TCAIM: variants seen among roughly 807,000 people sequenced by gnomAD.
TCAIM encodes T-cell activation inhibitor, mitochondrial.
Under a neutral mutation model 58.6 loss-of-function variants are expected in TCAIM, and 36 were observed. The ratio of observed to expected loss-of-function variants is 0.61; its 90% CI spans 0.47 to 0.81. The LOEUF (loss-of-function observed/expected upper bound fraction) is 0.81. TCAIM is among the 30% of genes least tolerant of loss of function. The pLI, the probability that TCAIM is intolerant of heterozygous loss-of-function variation, is 0.00. For missense variants in TCAIM, 466 were observed against 579.6 expected, an observed-to-expected ratio of 0.80 and a Z score of 2.01; for synonymous variants, 172 against 193.6, an observed-to-expected ratio of 0.89 and a Z score of 0.93.
At chr3:44,393,385 C>G (rs1377485545) in intron 6 of TCAIM, among the ~76,000 whole-genome samples, 2 of 152,068 alleles carry the variant, frequency 1.3e-5, no homozygotes, top group Non-Finnish European at 2.9e-5. Context: ...CACTTAAGCC[C>G]AGGAGCTTGA....
At chr3:44,389,154 G>A (rs941204858) in intron 5 of TCAIM, among the ~76,000 whole-genome samples, 1 of 152,190 alleles carries the variant, frequency 6.6e-6, no homozygotes, top group Non-Finnish European at 1.5e-5. Flanking sequence ...GCCAGGCATG[G>A]TGGTGCCCAC....
chr3:44,357,806 C>T lies in TCAIM; in HGVS notation c.95C>T (p.Ala32Val), dbSNP rs764626939. The change falls in exon 3 of 11, where the codon GCA (alanine) becomes GTA (valine). Residue 32 changes from alanine (A) to valine (V), a missense_variant. By Grantham distance (64) the Ala-to-Val change is moderately conservative. Transcript: ENST00000342649. ...PFSRALSGAE[A>V]VNALRPFYFA... ...TCAAGAGCTTTATCGGGAGCTGAAG[C>T]AGTCAATGCCTTGAGGCCTTTCTAT... 2 of 1,614,188 alleles carry T rather than the reference C, an allele frequency of 1.2e-6. No homozygotes were observed. Among genetic ancestry groups the T allele is most frequent in the South Asian group, 1.1e-5 (1 of 91,082 alleles).
At position 44,407,446 on chromosome 3, in the gene TCAIM, A is replaced by G; in HGVS notation, c.1255A>G (p.Lys419Glu). Residue 419 changes from lysine to glutamate, a missense_variant, in exon 11 of 11, where the codon AAG (lysine) becomes GAG (glutamate). Transcript: ENST00000342649. ...RENMKRKEEL[K>E]VIENELIQAS... Reference sequence around the variant, plus strand: ...TTTTTATTTTCTATATAATAGGTTAAAGGTTATTGAAAATGAATTGATACA... The same window carrying G: ...TTTTTATTTTCTATATAATAGGTTAGAGGTTATTGAAAATGAATTGATACA... 3 of 1,514,538 alleles carry G rather than the reference A, an allele frequency of 2.0e-6. No homozygotes were observed. Among genetic ancestry groups the G allele is most frequent in the Non-Finnish European group, 1.8e-6 (2 of 1,096,430 alleles). 93.8% of individuals were successfully genotyped at this position (1,514,538 alleles called of 1,614,324 possible). A position where few individuals can be genotyped will look rare whatever the true frequency, so the allele number is the denominator to read the frequency against.
intron 1 of TCAIM, among the ~76,000 whole-genome samples, chr3:44,349,977 G>C (rs1183875880): frequency 6.6e-6 from 1 of 151,854 alleles, no homozygotes; most frequent in Non-Finnish European, 1.5e-5. Flanking sequence ...CAGGGGGACA[G>C]GGGATTGATC....
intron 3 of TCAIM, chr3:44,359,167 C>G: frequency 1.2e-6 from 1 of 819,220 alleles, no homozygotes; most frequent in Non-Finnish European, 1.5e-6. Context: ...AGGAGGATTA[C>G]TTGAGCCCAG....
chr3:44,405,952 A>C (rs1575285042), intron 10 of TCAIM, among the ~76,000 whole-genome samples: 1 of 4,310 alleles, frequency 2.3e-4, no homozygotes, highest in Admixed American at 6.8e-3. Flanking sequence ...ACTCCATCTC[A>C]AAAAAAAAAA....
At chr3:44,358,345 G>A in intron 3 of TCAIM, 1 of 746,794 alleles carries the variant, frequency 1.3e-6, no homozygotes, top group Non-Finnish European at 2.3e-6. Flanking sequence ...AATGACTTAT[G>A]GTAGATGTAG....
intron 5 of TCAIM, among the ~76,000 whole-genome samples, chr3:44,388,905 G>A (rs1368349647): frequency 1.3e-5 from 2 of 152,142 alleles, no homozygotes; most frequent in African/African-American, 2.4e-5. Context: ...AGTAGGGATT[G>A]GTTTGTAGAC....
chr3:44,379,807 C>A (rs1486765791), intron 5 of TCAIM, among the ~76,000 whole-genome samples: 1 of 152,052 alleles, frequency 6.6e-6, no homozygotes, highest in Admixed American at 6.6e-5. Context: ...AATCATACCC[C>A]AAACCCCAGC....
intron 5 of TCAIM, among the ~76,000 whole-genome samples, chr3:44,369,550 C>T (rs766057701): frequency 7.9e-5 from 12 of 151,972 alleles, no homozygotes; most frequent in East Asian, 7.7e-4. Context: ...ACTTAGACAC[C>T]GGCAAAGTAG....
rs556168264 is a variant in TCAIM, at chr3:44,363,493, G to A, written c.319+1975G>A. ...TAATCAGCTTTGAATAAATAAGATGGTGATAAGGTAAAATGTTTACTAGTG... is the reference window on the plus strand; with the variant it reads ...TAATCAGCTTTGAATAAATAAGATGATGATAAGGTAAAATGTTTACTAGTG... On this transcript the variant is annotated intron_variant, in intron 4 of 10. Coordinates refer to ENST00000342649, the MANE Select transcript of TCAIM (RefSeq NM_173826.4). Among the ~76,000 whole-genome samples the A allele has an allele frequency of 8.5e-5, 13 of 152,178 alleles. No individual in the cohort carries two copies. In the South Asian group the frequency reaches 2.7e-3, roughly 32 times the overall value.
intron 10 of TCAIM, among the ~76,000 whole-genome samples, chr3:44,403,221 A>T (rs1702049007): frequency 6.6e-6 from 1 of 152,230 alleles, no homozygotes; most frequent in Admixed American, 6.5e-5. Context: ...GTGAGCCGAG[A>T]TCATGCCATT....
chr3:44,407,405 T>C (rs1702116719), intron 10 of TCAIM, 37 bp from the exon 11 acceptor site: 1 of 1,324,004 alleles, frequency 7.6e-7, no homozygotes, highest in African/African-American at 1.5e-5. Context: ...TGACAATATT[T>C]GTTCTTATGA....
intron 5 of TCAIM, among the ~76,000 whole-genome samples, chr3:44,374,008 C>CT (rs1701524198): frequency 6.6e-6 from 1 of 152,086 alleles, no homozygotes; most frequent in South Asian, 2.1e-4. Context: ...GTCAGAGTTC[C>CT]TTTTTTTCTA....
At chr3:44,401,415 G>C in intron 10 of TCAIM, 81 bp downstream of exon 10, 1 of 1,549,268 alleles carries the variant, frequency 6.5e-7, no homozygotes, top group Non-Finnish European at 8.8e-7. Context: ...ATAAATATGG[G>C]ACCTGGAAAC....
intron 5 of TCAIM, among the ~76,000 whole-genome samples, chr3:44,389,478 C>G (rs1263668858): frequency 2.0e-5 from 3 of 152,090 alleles, no homozygotes; most frequent in Non-Finnish European, 4.4e-5. Context: ...CATTTGGGCC[C>G]CAAACCAGAC....
intron 5 of TCAIM, among the ~76,000 whole-genome samples, chr3:44,381,212 C>CA (rs1701649773): frequency 6.6e-6 from 1 of 151,910 alleles, no homozygotes; most frequent in South Asian, 2.1e-4. Context: ...CAAAAAGCTT[C>CA]AAAAAATCCT....
chr3:44,387,022 A>G (rs1027062210), intron 5 of TCAIM, among the ~76,000 whole-genome samples: 3 of 152,190 alleles, frequency 2.0e-5, no homozygotes, highest in African/African-American at 4.8e-5. Flanking sequence ...TGCTTTTTCC[A>G]GGCCCACCAG....
intron 3 of TCAIM, chr3:44,358,201 C>CTT (rs760124398): frequency 4.7e-4 from 574 of 1,217,622 alleles, no homozygotes; most frequent in South Asian, 1.2e-3. Context: ...ATCTCTCTCT[C>CTT]TTTTTTTTTT....
Sources: allele counts gnomAD v4.1 joint callset (sites outside exome capture counted in the v4.1 genomes callset), GRCh38; gene constraint gnomAD v4.1.1; transcripts MANE v1.5; gene names NCBI Gene and HGNC (gene_info 2026-07-23, HGNC 2026-07-21).